KIFC3: variants seen among roughly 807,000 people sequenced by gnomAD.
KIFC3 encodes kinesin-like protein KIFC3.
KIFC3 carries 60 observed loss-of-function variants against 101.8 expected under a neutral mutation model. The observed-to-expected ratio is 0.59, with a 90% CI of 0.48 to 0.73. The LOEUF is 0.73. Ranked by LOEUF, KIFC3 falls within the 30% of genes least tolerant of loss-of-function variation. KIFC3 has a pLI of 0.00. For synonymous variants in KIFC3, 476 were observed against 482.7 expected (o/e 0.99, Z 0.18); for missense variants, 966 against 1,137.1 (o/e 0.85, Z 2.16).
chr16:57,807,394 G>C (rs750231316), upstream of KIFC3, among the ~76,000 whole-genome samples: 1 of 152,130 alleles, frequency 6.6e-6, no homozygotes, highest in Non-Finnish European at 1.5e-5. Flanking sequence ...ACAGCTGCAA[G>C]CTCTCAGGAA....
chr16:57,801,183 G>A (rs1037841474), intron 1 of KIFC3, among the ~76,000 whole-genome samples: 4 of 152,186 alleles, frequency 2.6e-5, no homozygotes, highest in Admixed American at 1.3e-4. Flanking sequence ...TTTAGACCAG[G>A]ACAGCAGAGC....
At chr16:57,792,535 T>C (rs2053960685) in intron 3 of KIFC3, among the ~76,000 whole-genome samples, 1 of 152,146 alleles carries the variant, frequency 6.6e-6, no homozygotes, top group Non-Finnish European at 1.5e-5. Context: ...TCAGAAACAA[T>C]ACAGAGGATC....
intron 3 of KIFC3, among the ~76,000 whole-genome samples, chr16:57,793,466 G>A (rs1598122715): frequency 1.3e-5 from 2 of 151,452 alleles, no homozygotes; most frequent in African/African-American, 2.4e-5. Flanking sequence ...GGTGGCACAC[G>A]CCTGTAATCC....
intron 1 of KIFC3, among the ~76,000 whole-genome samples, chr16:57,808,766 G>C (rs2055001679): frequency 6.6e-6 from 1 of 152,166 alleles, no homozygotes; most frequent in Non-Finnish European, 1.5e-5. Context: ...ACCTGGGTTT[G>C]AGCTCATTCA....
intron 1 of KIFC3, among the ~76,000 whole-genome samples, chr16:57,814,539 A>G (rs2055173020): frequency 1.3e-5 from 2 of 152,198 alleles, no homozygotes; most frequent in African/African-American, 4.8e-5. Context: ...TTTAATCCTT[A>G]CAGCACCTAT....
intron 6 of KIFC3, 150 bp from the exon 7 acceptor site, chr16:57,770,850 T>C (rs1555607566): frequency 2.8e-6 from 2 of 723,566 alleles, no homozygotes; most frequent in East Asian, 2.9e-5. Flanking sequence ...GGTCCTGGCT[T>C]TCCAGAAAGC....
At chr16:57,763,329 C>G (rs1317625971) in intron 12 of KIFC3, among the ~76,000 whole-genome samples, 7 of 152,262 alleles carry the variant, frequency 4.6e-5, no homozygotes, top group African/African-American at 1.7e-4. Flanking sequence ...CCGCACACAT[C>G]CCCTTCCTCC....
rs1415846506 is a variant in KIFC3, at chr16:57,776,236, C to A, written c.316-3948G>T. The A allele has an allele frequency of 8.1e-6, 8 of 985,366 alleles. No homozygotes were observed. In the African/African-American group the frequency reaches 1.0e-4, roughly 13 times the overall value. The allele number at this position is 985,366 out of a possible 1,614,324, so 61.0% of individuals were successfully genotyped here. On this transcript the variant is annotated intron_variant, in intron 3 of 19. Coordinates refer to ENST00000445690, the MANE Select transcript of KIFC3 (RefSeq NM_001130100.2). ...AAGGCCAGAGGGTCTGGGATCCAGACAACCTCAAGGAAACTCAGCCCAGAG... is the reference window on the plus strand; with the variant it reads ...AAGGCCAGAGGGTCTGGGATCCAGAAAACCTCAAGGAAACTCAGCCCAGAG...
At chr16:57,810,646 C>T (rs979527759) in intron 1 of KIFC3, 6 of 985,396 alleles carry the variant, frequency 6.1e-6, no homozygotes, top group African/African-American at 5.2e-5. Flanking sequence ...TGTGCAGGGC[C>T]CTGAATGCCA....
At chr16:57,825,110 C>T (rs552549283) in intron 1 of KIFC3, among the ~76,000 whole-genome samples, 1 of 152,348 alleles carries the variant, frequency 6.6e-6, no homozygotes, top group East Asian at 1.9e-4. Flanking sequence ...GCCCTCCTAG[C>T]AGGTAGATTG....
At chr16:57,820,348 C>T (rs1204220504) in intron 1 of KIFC3, among the ~76,000 whole-genome samples, 1 of 152,208 alleles carries the variant, frequency 6.6e-6, no homozygotes, top group Non-Finnish European at 1.5e-5. Flanking sequence ...GATCATAGCT[C>T]ACTGCAGCCT....
intron 1 of KIFC3, among the ~76,000 whole-genome samples, chr16:57,850,446 A>T (rs891405806): frequency 1.6e-4 from 24 of 149,386 alleles, no homozygotes; most frequent in Admixed American, 1.2e-3. Flanking sequence ...ATAATAAATA[A>T]AAATAAATTT....
intron 1 of KIFC3, among the ~76,000 whole-genome samples, chr16:57,832,705 G>A (rs1555479612): frequency 2.6e-5 from 4 of 151,900 alleles, no homozygotes; most frequent in Non-Finnish European, 1.5e-5. Flanking sequence ...ATGCCTTCTT[G>A]CCACAGAGAT....
chr16:57,798,150 TC>T lies in KIFC3; in HGVS notation c.93del (p.Met32TrpfsTer24). On this transcript the variant is annotated frameshift_variant, in exon 2 of 20. Transcript: ENST00000445690. LOFTEE classifies it high-confidence loss of function. ...GCTGGGGCTGGGGCGGGGCGAGCCA[TC>T]CCCGGCTCGGGCTCCGGGGCCCGGC... ...RVGRAPEPEP[G>X]MARPAPAPAS... 4 of 1,547,788 alleles carry T rather than the reference TC, an allele frequency of 2.6e-6. No homozygotes were observed. Among genetic ancestry groups the T allele is most frequent in the Non-Finnish European group, 1.7e-6 (2 of 1,146,668 alleles).
chr16:57,837,710 C>T (rs2055724531), intron 1 of KIFC3, among the ~76,000 whole-genome samples: 1 of 152,064 alleles, frequency 6.6e-6, no homozygotes, highest in Non-Finnish European at 1.5e-5. Flanking sequence ...GAGGGTGTGT[C>T]TGTTTCCCCC....
In KIFC3 at chr16:57,769,523, C is replaced by T; in HGVS notation, c.1218+72G>A. ...CTTTGTCTGAGCTTTGGAGGGACGC[C>T]CTGAGTGGATGTCGTGCCTCTCCCA... On this transcript the variant is annotated intron_variant, in intron 9 of 19. Transcript: ENST00000445690. This position sits in a 1 kb window ranked among gnomAD's most constrained non-coding sequence, Gnocchi z 4.3. The T allele has an allele frequency of 6.5e-7, 1 of 1,537,998 alleles. No individual in the cohort carries two copies. The highest frequency in any genetic ancestry group is 8.8e-7 in the Non-Finnish European group (1 of 1,142,318).
At chr16:57,799,264 A>G (rs1338544054) in intron 1 of KIFC3, among the ~76,000 whole-genome samples, 1 of 152,232 alleles carries the variant, frequency 6.6e-6, no homozygotes, top group Non-Finnish European at 1.5e-5. Context: ...TGATCATGCT[A>G]CAGTCCCAGA....
chr16:57,787,744 C>A (rs1728693091), intron 3 of KIFC3, among the ~76,000 whole-genome samples: 1 of 152,266 alleles, frequency 6.6e-6, no homozygotes, highest in East Asian at 1.9e-4. Context: ...TCAGCCAGAC[C>A]CCAACCCCTG....
chr16:57,804,204 A>G (rs2054879288), upstream of KIFC3, among the ~76,000 whole-genome samples: 1 of 152,248 alleles, frequency 6.6e-6, no homozygotes, highest in South Asian at 2.1e-4. Flanking sequence ...CTGGAGATAA[A>G]TGCTGCCAAC....
Sources: allele counts gnomAD v4.1 joint callset (sites outside exome capture counted in the v4.1 genomes callset), GRCh38; gene constraint gnomAD v4.1.1; non-coding constraint Gnocchi (gnomAD v3.1); transcripts MANE v1.5; gene names NCBI Gene and HGNC (gene_info 2026-07-23, HGNC 2026-07-21).